Variants in HID1 observed in about 807,000 individuals in gnomAD.
The protein encoded by HID1 is protein HID1.
A neutral mutation model predicts 89.7 loss-of-function variants in HID1; 42 were observed. The observed-to-expected ratio is 0.47, with a 90% CI of 0.37 to 0.61. The LOEUF (loss-of-function observed/expected upper bound fraction) is 0.61, where lower values mean the gene tolerates loss of function less well. Ranked by LOEUF, HID1 falls within the 20% of genes least tolerant of loss-of-function variation. The pLI is 0.00. For missense variants in HID1, 854 were observed against 1,039.3 expected (o/e 0.82, Z 2.45); for synonymous variants, 442 against 433.8 (o/e 1.02, Z -0.24).
At position 74,962,346 on chromosome 17, in the gene HID1, G is replaced by A. The variant is rs1379912933; in HGVS notation, c.505-6C>T. 9.4e-6 allele frequency: 15 copies of A among 1,599,140 alleles called. No homozygotes were observed. Among genetic ancestry groups the A allele is most frequent in the Non-Finnish European group, 1.3e-5 (15 of 1,168,262 alleles). ...TGGACGTCCTCTGCCGAGTCCTGGG[G>A]ACAGGCCAGGAAGAAGCCGGGTTAG... On this transcript the variant is annotated splice_region_variant and splice_polypyrimidine_tract_variant and intron_variant, in intron 4 of 18. Coordinates refer to ENST00000425042, the MANE Select transcript of HID1 (RefSeq NM_030630.3). This position sits in a 1 kb window ranked among gnomAD's most constrained non-coding sequence, Gnocchi z 4.3.
chr17:74,964,149 C>T, intron 2 of HID1: 1 of 597,892 alleles, frequency 1.7e-6, no homozygotes, highest in East Asian at 2.8e-5. Flanking sequence ...GCCCAGCTAG[C>T]CACTGGATGG....
chr17:74,951,686 C>T (rs1166287253), intron 18 of HID1, 53 bp from the exon 19 acceptor site: 2 of 1,555,988 alleles, frequency 1.3e-6, no homozygotes, highest in East Asian at 2.3e-5. Flanking sequence ...GCAGACAAGG[C>T]ACCAGGAGGA....
chr17:74,972,534 C>T lies in HID1; in HGVS notation c.66+57G>A. 1.3e-6 allele frequency: 2 copies of T among 1,487,936 alleles called. No individual in the cohort carries two copies. Among genetic ancestry groups the T allele is most frequent in the East Asian group, 2.5e-5 (1 of 39,418 alleles). The allele number at this position is 1,487,936 out of a possible 1,614,324, so 92.2% of individuals were successfully genotyped here. A position where few individuals can be genotyped will look rare whatever the true frequency, so the allele number is the denominator to read the frequency against. On this transcript the variant is annotated intron_variant, in intron 1 of 18. Transcript: ENST00000425042. This position sits in a 1 kb window ranked among gnomAD's most constrained non-coding sequence, Gnocchi z 6.4. ...CGAGCCAAGTTCGCGTACCCCCGGC[C>T]CTGCCCAGCCCCCAGCCCGGCAGGT...
In HID1 at chr17:74,960,631, G is replaced by C. The variant is rs1455336071; in HGVS notation, c.729-383C>G. On this transcript the variant is annotated intron_variant, in intron 6 of 18. Transcript: ENST00000425042. ...TTACAGATGAGGAAGCTGAGACCCA[G>C]AGAGGTTAAGTGAGGGACAAAGGGT... Among the ~76,000 whole-genome samples, 3 of 152,244 alleles carry C rather than the reference G, an allele frequency of 2.0e-5. 1 individual carries two copies. The highest frequency in any genetic ancestry group is 1.3e-4 in the Admixed American group (2 of 15,282).
intron 6 of HID1, among the ~76,000 whole-genome samples, chr17:74,960,598 T>A (rs1416655793): frequency 6.6e-6 from 1 of 152,178 alleles, no homozygotes; most frequent in Non-Finnish European, 1.5e-5. Context: ...GGGTTCAAGC[T>A]GCTCAGCTTA....
rs1332451143 is a variant in HID1 at position 74,958,026 on chromosome 17, C to T, written c.1471+115G>A. 1 of 860,130 alleles carries T rather than the reference C, an allele frequency of 1.2e-6. No individual in the cohort carries two copies. The highest frequency in any genetic ancestry group is 1.8e-6 in the Non-Finnish European group (1 of 543,888). 53.3% of individuals were successfully genotyped at this position (860,130 alleles called of 1,614,324 possible). On this transcript the variant is annotated intron_variant, in intron 12 of 18. Transcript: ENST00000425042. The surrounding 1 kb of genome is among the most constrained non-coding windows in gnomAD (Gnocchi z 5.2). ...GTGGCTACTATGAAGGGTACACAAGCTTGCGTTCTTTCTGTGGGCTGGAGG... is the reference window on the plus strand; with the variant it reads ...GTGGCTACTATGAAGGGTACACAAGTTTGCGTTCTTTCTGTGGGCTGGAGG...
chr17:74,953,143 TG>T (rs961153993), intron 15 of HID1, 57 bp from the exon 16 acceptor site: 3 of 1,215,882 alleles, frequency 2.5e-6, no homozygotes, highest in Admixed American at 2.1e-5. Flanking sequence ...AGGGGTGGAG[TG>T]GGGGGCAATG....
chr17:74,952,808 G>A (rs2039324955), intron 16 of HID1, among the ~76,000 whole-genome samples, 198 bp downstream of exon 16: 1 of 152,202 alleles, frequency 6.6e-6, no homozygotes, highest in African/African-American at 2.4e-5. Flanking sequence ...AACCGAGCCA[G>A]AGAGGCTGAA....
At position 74,972,026 on chromosome 17, in the gene HID1, C is replaced by T. The variant is rs934969660; in HGVS notation, c.66+565G>A. ...CCCCCCACCAGGCTGCCTCGCTGCCCGCCACTCTTTGCGTGTTCCCAGGAA... is the reference window on the plus strand; with the variant it reads ...CCCCCCACCAGGCTGCCTCGCTGCCTGCCACTCTTTGCGTGTTCCCAGGAA... On this transcript the variant is annotated intron_variant, in intron 1 of 18. Transcript: ENST00000425042. This position sits in a 1 kb window ranked among gnomAD's most constrained non-coding sequence, Gnocchi z 6.4. 6.6e-6 allele frequency among the ~76,000 whole-genome samples: 1 copy of T among 152,168 alleles called. No homozygotes were observed. The highest frequency in any genetic ancestry group is 1.5e-5 in the Non-Finnish European group (1 of 68,018).
At chr17:74,963,542 C>T in intron 3 of HID1, 198 bp downstream of exon 3, 2 of 605,720 alleles carry the variant, frequency 3.3e-6, no homozygotes, top group Non-Finnish European at 2.9e-6. Context: ...AGACTGTGGG[C>T]ACAGAAACCC....
intron 1 of HID1, among the ~76,000 whole-genome samples, chr17:74,969,745 G>T (rs1158822875): frequency 6.6e-6 from 1 of 151,330 alleles, no homozygotes; most frequent in Non-Finnish European, 1.5e-5. Flanking sequence ...GGGACTACAG[G>T]CGCACCCCAC....
intron 3 of HID1, 122 bp downstream of exon 3, chr17:74,963,618 G>T: frequency 1.0e-6 from 1 of 965,068 alleles, no homozygotes; most frequent in Non-Finnish European, 1.5e-6. Context: ...AGCACCCACT[G>T]GCCCCACCCC....
Position 74,972,674 on chromosome 17 carries a change from C to T in HID1, c.-18G>A, listed in dbSNP as rs2039668225. On this transcript the variant is annotated 5_prime_UTR_variant, in exon 1 of 19. Transcript: ENST00000425042. The surrounding 1 kb of genome is among the most constrained non-coding windows in gnomAD (Gnocchi z 6.4). ...GACCCCATGTCTCTGGAGCCCGCTC[C>T]GGCCCGGCCCCCGCCCAGACTCCAA... The T allele has an allele frequency of 6.5e-7, 1 of 1,534,162 alleles. No homozygotes were observed. The highest frequency in any genetic ancestry group is 1.2e-5 in the South Asian group (1 of 82,018).
In HID1 at chr17:74,963,430, C is replaced by G. The variant is rs947501820; in HGVS notation, c.387+310G>C. 24 of 500,078 alleles carry G rather than the reference C, an allele frequency of 4.8e-5. No individual in the cohort carries two copies. In the South Asian group the frequency reaches 6.3e-4, roughly 13 times the overall value. 31.0% of individuals were successfully genotyped at this position (500,078 alleles called of 1,614,324 possible). A position where few individuals can be genotyped will look rare whatever the true frequency, so the allele number is the denominator to read the frequency against. On this transcript the variant is annotated intron_variant, in intron 3 of 18. Coordinates refer to ENST00000425042, the MANE Select transcript of HID1 (RefSeq NM_030630.3). Reference sequence around the variant, plus strand: ...GGCAGGTGGTGTGGGGGAGAGAGGACAGTGTGGTCCCTCTCCGGCCCTCAG... The same window carrying G: ...GGCAGGTGGTGTGGGGGAGAGAGGAGAGTGTGGTCCCTCTCCGGCCCTCAG...
rs375098395 is a variant in HID1, at chr17:74,962,005, G to C, written c.612-16C>G. The C allele has an allele frequency of 6.5e-7, 1 of 1,535,052 alleles. No individual in the cohort carries two copies. ...CAGCTCCATCCTTGTAGGAGGAAGG[G>C]GGAGGGCACCTTAGGATCCCAGTCC... On this transcript the variant is annotated splice_polypyrimidine_tract_variant and intron_variant, in intron 5 of 18. Transcript: ENST00000425042. This position sits in a 1 kb window ranked among gnomAD's most constrained non-coding sequence, Gnocchi z 4.3.
intron 1 of HID1, among the ~76,000 whole-genome samples, chr17:74,965,427 T>G (rs1017909818): frequency 6.6e-6 from 1 of 152,202 alleles, no homozygotes; most frequent in Non-Finnish European, 1.5e-5. Flanking sequence ...CACAGAAACA[T>G]GCCTTACACA....
Position 74,962,422 on chromosome 17 carries a change from C to T in HID1, c.505-82G>A. 1 of 859,402 alleles carries T rather than the reference C, an allele frequency of 1.2e-6. No individual in the cohort carries two copies. Among genetic ancestry groups the T allele is most frequent in the Non-Finnish European group, 1.9e-6 (1 of 539,774 alleles). 53.2% of individuals were successfully genotyped at this position (859,402 alleles called of 1,614,324 possible). A position where few individuals can be genotyped will look rare whatever the true frequency, so the allele number is the denominator to read the frequency against. On this transcript the variant is annotated intron_variant, in intron 4 of 18. Transcript: ENST00000425042. The surrounding 1 kb of genome is among the most constrained non-coding windows in gnomAD (Gnocchi z 4.3). Reference sequence around the variant, plus strand: ...GGGTCAGAACCTGGCCACCTCGAGCCTCACACAGTCCCAGGGGCAGAGACC... The same window carrying T: ...GGGTCAGAACCTGGCCACCTCGAGCTTCACACAGTCCCAGGGGCAGAGACC...
At chr17:74,961,832 A>AT in intron 6 of HID1, 41 bp downstream of exon 6, 2 of 1,279,046 alleles carry the variant, frequency 1.6e-6, no homozygotes, top group Non-Finnish European at 1.1e-6. Context: ...ATTGCCTGGA[A>AT]TAAGAGGGAA....
Position 74,963,057 on chromosome 17 carries a change from C to A in HID1, c.412G>T (p.Ala138Ser), listed in dbSNP as rs1178381136. 2 of 1,611,628 alleles carry A rather than the reference C, an allele frequency of 1.2e-6. No homozygotes were observed. The highest frequency in any genetic ancestry group is 1.7e-6 in the Non-Finnish European group (2 of 1,178,774). ...GGQGEEDDEH[A>S]RPLAESLLLA... Reference sequence around the variant, plus strand: ...AGCAGGGACTCGGCCAGGGGCCTGGCATGCTCATCATCCTCTTCTCCCTGC... The same window carrying A: ...AGCAGGGACTCGGCCAGGGGCCTGGAATGCTCATCATCCTCTTCTCCCTGC... Residue 138 changes from alanine (A) to serine (S), a missense_variant, in exon 4 of 19, where the codon GCC (alanine) becomes TCC (serine). Transcript: ENST00000425042.
Sources: allele counts gnomAD v4.1 joint callset (sites outside exome capture counted in the v4.1 genomes callset), GRCh38; gene constraint gnomAD v4.1.1; non-coding constraint Gnocchi (gnomAD v3.1); transcripts MANE v1.5; gene names NCBI Gene and HGNC (gene_info 2026-07-23, HGNC 2026-07-21).